WDFY4: variants seen among roughly 807,000 people sequenced by gnomAD.
WDFY4 encodes WD repeat- and FYVE domain-containing protein 4.
Under a neutral mutation model 351.9 loss-of-function variants are expected in WDFY4, and 169 were observed. The observed-to-expected ratio is 0.48, with a 90% CI of 0.42 to 0.55. WDFY4 has a LOEUF of 0.55. Ranked by LOEUF, WDFY4 falls within the 20% of genes least tolerant of loss-of-function variation. The pLI is 0.00. For missense variants in WDFY4, 3,803 were observed against 3,935.6 expected, an observed-to-expected ratio of 0.97 and a Z score of 0.90; for synonymous variants, 1,622 against 1,574.6, an observed-to-expected ratio of 1.03 and a Z score of -0.71.
At chr10:48,769,227 A>T (rs1589560772) in intron 13 of WDFY4, among the ~76,000 whole-genome samples, 1 of 152,108 alleles carries the variant, frequency 6.6e-6, no homozygotes, top group African/African-American at 2.4e-5. Context: ...AATCTCTTAC[A>T]CCTAAACCAC....
chr10:48,905,013 C>T (rs73294680), intron 47 of WDFY4, among the ~76,000 whole-genome samples: 4,765 of 152,290 alleles, frequency 0.031, 245 homozygotes, highest in African/African-American at 0.11. Context: ...TTTTCTCTCT[C>T]CCTGGAGCAA....
At chr10:48,813,225 T>TA (rs960774153) in intron 30 of WDFY4, among the ~76,000 whole-genome samples, 13 of 152,328 alleles carry the variant, frequency 8.5e-5, no homozygotes, top group African/African-American at 2.9e-4. Flanking sequence ...AAGAGAAGGT[T>TA]AAAAAATCTA....
chr10:48,697,970 G>T lies in WDFY4; in HGVS notation c.-17-11746G>T, dbSNP rs184912843. On this transcript the variant is annotated intron_variant, in intron 1 of 61. Coordinates refer to ENST00000325239, the MANE Select transcript of WDFY4 (RefSeq NM_001394531.1). ...CTCTGAGTAGCCCTTCCATCCCCAC[G>T]GGTGCGCCTGTCCTCCATGGCCCCA... Among the ~76,000 whole-genome samples the T allele has an allele frequency of 3.0e-4, 46 of 152,192 alleles. 1 individual carries two copies. The East Asian group carries it at 5.8e-3, about 19-fold the overall frequency.
At chr10:48,776,651 C>T in intron 15 of WDFY4, 99 bp from the exon 16 acceptor site, 1 of 1,231,848 alleles carries the variant, frequency 8.1e-7, no homozygotes, top group Non-Finnish European at 1.1e-6. Flanking sequence ...GTGCGAAACT[C>T]TCTTTCTGGG....
At chr10:48,688,398 C>T (rs181451582) in intron 1 of WDFY4, among the ~76,000 whole-genome samples, 2 of 152,286 alleles carry the variant, frequency 1.3e-5, no homozygotes, top group Non-Finnish European at 2.9e-5. Context: ...GAAGTGATAT[C>T]TTTATGAAAA....
intron 24 of WDFY4, among the ~76,000 whole-genome samples, chr10:48,801,282 A>G (rs1025467679): frequency 6.6e-6 from 1 of 152,208 alleles, no homozygotes; most frequent in Non-Finnish European, 1.5e-5. Flanking sequence ...GCAGCCTCAA[A>G]TGGGTGTGGC....
chr10:48,709,720 G>T lies in WDFY4; in HGVS notation c.-13G>T. The T allele has an allele frequency of 6.4e-7, 1 of 1,551,194 alleles. No homozygotes were observed. Among genetic ancestry groups the T allele is most frequent in the Non-Finnish European group, 8.7e-7 (1 of 1,146,326 alleles). On this transcript the variant is annotated 5_prime_UTR_variant, in exon 2 of 62. Coordinates refer to ENST00000325239, the MANE Select transcript of WDFY4 (RefSeq NM_001394531.1). ...TTCTATTTGTTCTGAATTCAGATCT[G>T]CTTTGCCACGGCATGGAGGCAGAAG... is the stretch of plus-strand genomic sequence containing the variant.
intron 1 of WDFY4, among the ~76,000 whole-genome samples, chr10:48,702,656 G>GT (rs2063512528): frequency 6.6e-6 from 1 of 152,172 alleles, no homozygotes; most frequent in African/African-American, 2.4e-5. Flanking sequence ...GGGCATTTAT[G>GT]TTTTTTCCAG....
intron 2 of WDFY4, among the ~76,000 whole-genome samples, chr10:48,716,972 T>A (rs1355888097): frequency 3.9e-5 from 6 of 152,238 alleles, no homozygotes. Context: ...CAGCTATAAG[T>A]TTCGTAGATG....
chr10:48,813,788 C>T (rs2067531923), intron 30 of WDFY4, among the ~76,000 whole-genome samples, 169 bp from the exon 31 acceptor site: 1 of 152,220 alleles, frequency 6.6e-6, no homozygotes, highest in African/African-American at 2.4e-5. Context: ...TTCCCTTATG[C>T]ACCATCTACT....
chr10:48,800,555 G>T (rs1370524331), intron 24 of WDFY4, among the ~76,000 whole-genome samples: 1 of 152,104 alleles, frequency 6.6e-6, no homozygotes, highest in Non-Finnish European at 1.5e-5. Context: ...TTGAGGCAAG[G>T]TTGGACAGGA....
intron 1 of WDFY4, among the ~76,000 whole-genome samples, chr10:48,698,326 C>A (rs1278781015): frequency 6.6e-6 from 1 of 152,224 alleles, no homozygotes; most frequent in East Asian, 1.9e-4. Context: ...CTCTCCTGTT[C>A]CCAAGCGTGC....
At chr10:48,971,215 A>C (rs1176007630) in intron 57 of WDFY4, among the ~76,000 whole-genome samples, 1 of 152,228 alleles carries the variant, frequency 6.6e-6, no homozygotes, top group Non-Finnish European at 1.5e-5. Context: ...AACAAAAATA[A>C]GCTGTACAAA....
intron 31 of WDFY4, among the ~76,000 whole-genome samples, chr10:48,816,907 C>T (rs2067637414): frequency 6.6e-6 from 1 of 152,038 alleles, no homozygotes; most frequent in Non-Finnish European, 1.5e-5. Context: ...AGATCTGTGT[C>T]AGGAAAGCAT....
Position 48,771,288 on chromosome 10 carries a change from T to C in WDFY4, c.2554-3170T>C, listed in dbSNP as rs148530600. Among the ~76,000 whole-genome samples, 146 of 152,372 alleles carry C rather than the reference T, an allele frequency of 9.6e-4. 4 individuals carry two copies. The highest frequency in any genetic ancestry group is 3.4e-3 in the African/African-American group (143 of 41,584). On this transcript the variant is annotated intron_variant, in intron 13 of 61. Transcript: ENST00000325239. ...CTATCTTATTTCTGTCACTTAGTGC[T>C]AGCAACATACTCGACCATTTTTAGG...
At chr10:48,830,423 A>G (rs146836020) in intron 37 of WDFY4, among the ~76,000 whole-genome samples, 2 of 152,246 alleles carry the variant, frequency 1.3e-5, no homozygotes, top group African/African-American at 2.4e-5. Flanking sequence ...CATAAATGAT[A>G]TGTTTCCCAG....
intron 19 of WDFY4, among the ~76,000 whole-genome samples, chr10:48,785,680 T>A (rs772606955): frequency 6.6e-6 from 1 of 152,212 alleles, no homozygotes; most frequent in Non-Finnish European, 1.5e-5. Flanking sequence ...CTCTATTCTG[T>A]TCCATCGATC....
chr10:48,806,599 G>A (rs1023506482), intron 27 of WDFY4, among the ~76,000 whole-genome samples: 1 of 152,174 alleles, frequency 6.6e-6, no homozygotes, highest in African/African-American at 2.4e-5. Context: ...AGCCCCTTGG[G>A]GTTACCCTAC....
intron 44 of WDFY4, among the ~76,000 whole-genome samples, chr10:48,896,449 C>G (rs1837080914): frequency 6.6e-6 from 1 of 152,116 alleles, no homozygotes; most frequent in South Asian, 2.1e-4. Flanking sequence ...GGAGACAGGC[C>G]AAGGGTCCTG....
Sources: allele counts gnomAD v4.1 joint callset (sites outside exome capture counted in the v4.1 genomes callset), GRCh38; gene constraint gnomAD v4.1.1; transcripts MANE v1.5; gene names NCBI Gene and HGNC (gene_info 2026-07-23, HGNC 2026-07-21).